Variants in NELL1 observed in about 807,000 individuals in gnomAD.
The protein encoded by NELL1 is neural EGFL like 1.
In NELL1, 76 loss-of-function variants were observed where a neutral mutation model predicts 107.4. That is an observed-to-expected ratio of 0.71 (90% CI 0.59 to 0.86). NELL1 has a LOEUF of 0.86. NELL1 is among the 40% of genes least tolerant of loss of function. The pLI is 0.00. For synonymous variants in NELL1, 353 were observed against 341.2 expected (o/e 1.03, Z -0.38); for missense variants, 1,024 against 1,005.5 (o/e 1.02, Z -0.25).
At chr11:20,869,088 G>A (rs535501244) in intron 4 of NELL1, among the ~76,000 whole-genome samples, 14 of 152,120 alleles carry the variant, frequency 9.2e-5, no homozygotes, top group Non-Finnish European at 1.8e-4. Context: ...CAAATAATTA[G>A]CAATTCAGTT....
At chr11:21,299,773 G>C (rs1182671127) in intron 14 of NELL1, among the ~76,000 whole-genome samples, 1 of 151,858 alleles carries the variant, frequency 6.6e-6, no homozygotes, top group Non-Finnish European at 1.5e-5. Flanking sequence ...CTAATAAGTG[G>C]CTGTCCTCTA....
intron 12 of NELL1, among the ~76,000 whole-genome samples, chr11:21,016,441 T>G (rs575985436): frequency 6.6e-6 from 1 of 152,240 alleles, no homozygotes; most frequent in African/African-American, 2.4e-5. Context: ...TTTGCCATGA[T>G]TTAGTTCCAC....
intron 15 of NELL1, among the ~76,000 whole-genome samples, chr11:21,402,146 C>T (rs1852112806): frequency 6.6e-6 from 1 of 151,746 alleles, no homozygotes; most frequent in South Asian, 2.1e-4. Context: ...CAAGAAGCAG[C>T]CATTGTAACT....
At chr11:20,729,072 A>G (rs1354661552) in intron 2 of NELL1, among the ~76,000 whole-genome samples, 1 of 152,072 alleles carries the variant, frequency 6.6e-6, no homozygotes, top group Non-Finnish European at 1.5e-5. Flanking sequence ...GGCTATTATA[A>G]GTGGGATTAC....
chr11:21,172,956 A>T (rs1856638247), intron 13 of NELL1, among the ~76,000 whole-genome samples: 1 of 151,194 alleles, frequency 6.6e-6, no homozygotes, highest in African/African-American at 2.4e-5. Flanking sequence ...GTGTGATGCT[A>T]CTTTGATTTA....
intron 12 of NELL1, among the ~76,000 whole-genome samples, chr11:20,989,358 T>C (rs1335722216): frequency 6.6e-6 from 1 of 152,116 alleles, no homozygotes; most frequent in Admixed American, 6.6e-5. Context: ...ATCAGGCCTG[T>C]CTATTCACGC....
chr11:21,129,534 G>T (rs1032009057), intron 13 of NELL1, among the ~76,000 whole-genome samples: 38 of 152,224 alleles, frequency 2.5e-4, no homozygotes, highest in Non-Finnish European at 5.3e-4. Flanking sequence ...GAATGGATAT[G>T]CAAAATGTGA....
intron 2 of NELL1, among the ~76,000 whole-genome samples, chr11:20,714,375 T>A (rs1246543557): frequency 6.6e-6 from 1 of 151,226 alleles, no homozygotes; most frequent in East Asian, 2.0e-4. Context: ...GGCATTTTTT[T>A]TTTTGTAGTT....
chr11:21,136,141 G>A (rs1194711115), intron 13 of NELL1, among the ~76,000 whole-genome samples: 3 of 152,312 alleles, frequency 2.0e-5, no homozygotes, highest in East Asian at 3.9e-4. Flanking sequence ...GCCTATTTGA[G>A]TGAAAATCTG....
intron 4 of NELL1, among the ~76,000 whole-genome samples, chr11:20,873,752 T>A (rs1849248103): frequency 6.6e-6 from 1 of 150,802 alleles, no homozygotes; most frequent in Non-Finnish European, 1.5e-5. Flanking sequence ...TGTAACCCAC[T>A]GGTTGAATAT....
At chr11:21,139,035 G>T (rs939622443) in intron 13 of NELL1, among the ~76,000 whole-genome samples, 7 of 152,176 alleles carry the variant, frequency 4.6e-5, no homozygotes, top group Admixed American at 2.0e-4. Flanking sequence ...CGTATTGAGG[G>T]CTCATGCTTC....
intron 13 of NELL1, among the ~76,000 whole-genome samples, chr11:21,212,568 A>G (rs191463821): frequency 2.0e-5 from 3 of 152,158 alleles, no homozygotes; most frequent in Non-Finnish European, 4.4e-5. Flanking sequence ...AAGTAAAGTC[A>G]CTGGAGTTCA....
chr11:21,074,826 A>G (rs934761789), intron 12 of NELL1, among the ~76,000 whole-genome samples: 1 of 152,198 alleles, frequency 6.6e-6, no homozygotes, highest in African/African-American at 2.4e-5. Context: ...GGAGGCTCTT[A>G]TATACTCCCA....
intron 15 of NELL1, among the ~76,000 whole-genome samples, chr11:21,432,603 A>G (rs1173982846): frequency 6.6e-6 from 1 of 152,148 alleles, no homozygotes; most frequent in Non-Finnish European, 1.5e-5. Flanking sequence ...GTTTTGGGGT[A>G]TGGATTGTCA....
rs74962873 is a variant in NELL1 at position 21,061,930 on chromosome 11, T to C, written c.1301-51659T>C. Among the ~76,000 whole-genome samples the C allele has an allele frequency of 6.0e-3, 907 of 152,322 alleles. 4 individuals are homozygous for C. The highest frequency in any genetic ancestry group is 8.9e-3 in the Non-Finnish European group (603 of 68,018). ...GCTGAACTCTCATTCTTCCTCCAAC[T>C]CAGCCTTAGTCTTTCTATTCTCTCT... On this transcript the variant is annotated intron_variant, in intron 12 of 19. Transcript: ENST00000357134.
chr11:20,966,427 A>G (rs1851388485), intron 12 of NELL1, among the ~76,000 whole-genome samples: 1 of 152,174 alleles, frequency 6.6e-6, no homozygotes, highest in African/African-American at 2.4e-5. Context: ...AAACCATAGT[A>G]GAGATCAAAA....
At chr11:21,127,961 A>G (rs960646437) in intron 13 of NELL1, among the ~76,000 whole-genome samples, 1 of 151,758 alleles carries the variant, frequency 6.6e-6, no homozygotes, top group Non-Finnish European at 1.5e-5. Flanking sequence ...AGATGCATGC[A>G]TTTTTTTTCT....
intron 15 of NELL1, among the ~76,000 whole-genome samples, chr11:21,416,370 A>G (rs1267145941): frequency 6.6e-6 from 1 of 152,162 alleles, no homozygotes; most frequent in Non-Finnish European, 1.5e-5. Context: ...GACTGGCTTC[A>G]TAAATGGTAG....
At chr11:21,299,947 A>G (rs1228990499) in intron 14 of NELL1, among the ~76,000 whole-genome samples, 1 of 152,072 alleles carries the variant, frequency 6.6e-6, no homozygotes, top group East Asian at 1.9e-4. Flanking sequence ...AACCTCTGCT[A>G]TAGGCAAAGC....
Sources: allele counts gnomAD v4.1 joint callset (sites outside exome capture counted in the v4.1 genomes callset), GRCh38; gene constraint gnomAD v4.1.1; transcripts MANE v1.5; gene names NCBI Gene and HGNC (gene_info 2026-07-23, HGNC 2026-07-21).